The following RSRP1 variants were observed in gnomAD, a reference collection of about 807,000 sequenced individuals.
RSRP1 encodes arginine and serine rich protein 1.
In RSRP1, 37 loss-of-function variants were observed where a neutral mutation model predicts 33.0. The observed-to-expected ratio is 1.12, with a 90% CI of 0.86 to 1.48. RSRP1 has a LOEUF of 1.48. Ranked by LOEUF, RSRP1 falls within the 40% of genes most tolerant of loss-of-function variation. The pLI, the probability that RSRP1 is intolerant of heterozygous loss-of-function variation, is 0.00. For missense variants in RSRP1, 402 were observed against 385.3 expected, an observed-to-expected ratio of 1.04 and a Z score of -0.36; for synonymous variants, 167 against 158.7, an observed-to-expected ratio of 1.05 and a Z score of -0.40.
chr1:25,314,107 G>T lies in RSRP1; in HGVS notation c.-67+23871C>A, dbSNP rs1304670447. On this transcript the variant is annotated intron_variant, in intron 1 of 1. Coordinates refer to the RSRP1 transcript ENST00000561867. ...ACTTCTGTTGATTATATGCCTAGAA[G>T]TGAAATTGTTGAATTATACAGTATT... is the stretch of plus-strand genomic sequence containing the variant. 3.8e-5 allele frequency among the ~76,000 whole-genome samples: 5 copies of T among 132,764 alleles called. 1 individual carries two copies. The highest frequency in any genetic ancestry group is 1.3e-4 in the African/African-American group (5 of 38,922). The allele number at this position is 132,764 out of a possible 152,430, so 87.1% of individuals were successfully genotyped here. A position where few individuals can be genotyped will look rare whatever the true frequency, so the allele number is the denominator to read the frequency against.
chr1:25,242,617 CTTT>C lies in RSRP1; in HGVS notation c.842_844del (p.Lys281del), dbSNP rs754096516. On this transcript the variant is annotated inframe_deletion, in exon 5 of 5. Transcript: ENST00000243189. The stretch of plus-strand genomic sequence containing the variant: ...GATAGGTATCCACAGTCCATATGGA[CTTT>C]TTTTCTGATCTATTTTTGGTGATCT... 4 of 1,612,150 alleles carry C rather than the reference CTTT, an allele frequency of 2.5e-6. No individual in the cohort carries two copies. Among genetic ancestry groups the C allele is most frequent in the Non-Finnish European group, 3.4e-6 (4 of 1,179,430 alleles).
At position 25,247,037 on chromosome 1, in the gene RSRP1, A is replaced by G. The variant is rs375084543; in HGVS notation, c.-66-8T>C. 1.5e-5 allele frequency: 21 copies of G among 1,382,644 alleles called. No homozygotes were observed. The African/African-American group carries it at 1.6e-4, about 10-fold the overall frequency. The allele number at this position is 1,382,644 out of a possible 1,614,324, so 85.6% of individuals were successfully genotyped here. A position where few individuals can be genotyped will look rare whatever the true frequency, so the allele number is the denominator to read the frequency against. On this transcript the variant is annotated splice_region_variant and splice_polypyrimidine_tract_variant and intron_variant, in intron 1 of 4. Transcript: ENST00000243189. ...GCCTCAACTCAGGACTTCCTAAAAA[A>G]CCAAGAGAGAAAAAACAAGTCGAGT... is the stretch of plus-strand genomic sequence containing the variant.
At chr1:25,323,573 C>T (rs537576460) in intron 1 of RSRP1, among the ~76,000 whole-genome samples, 1 of 125,616 alleles carries the variant, frequency 8.0e-6, no homozygotes, top group Non-Finnish European at 1.9e-5. Context: ...GATCCTCCCC[C>T]CTCAGCCTCC....
rs184813484 is a variant in RSRP1, at chr1:25,270,858, A to T, written c.-66-23829T>A. ...TAGAATGGTGCCTAGCAAGTACTTA[A>T]TAACAGTTAGCTCTGAAAATGTATA... On this transcript the variant is annotated intron_variant, in intron 1 of 1. Transcript: ENST00000561867. 1.5e-3 allele frequency among the ~76,000 whole-genome samples: 195 copies of T among 131,912 alleles called. 26 individuals carry two copies. The highest frequency in any genetic ancestry group is 4.8e-3 in the African/African-American group (188 of 38,776). The allele number at this position is 131,912 out of a possible 152,430, so 86.5% of individuals were successfully genotyped here. A position where few individuals can be genotyped will look rare whatever the true frequency, so the allele number is the denominator to read the frequency against.
chr1:25,287,041 C>T (rs111704447), intron 1 of RSRP1, among the ~76,000 whole-genome samples: 2,804 of 134,834 alleles, frequency 0.021, 437 homozygotes, highest in African/African-American at 0.066. Flanking sequence ...TATAGTGAGC[C>T]GAGATCGCAC....
chr1:25,289,154 G>C (rs1642282471), intron 1 of RSRP1, among the ~76,000 whole-genome samples: 1 of 131,574 alleles, frequency 7.6e-6, no homozygotes, highest in South Asian at 2.3e-4. Flanking sequence ...TCTGTAAAAT[G>C]GGATACTGAA....
At chr1:25,303,291 C>T (rs1325382103) in intron 1 of RSRP1, 3 of 1,314,502 alleles carry the variant, frequency 2.3e-6, no homozygotes, top group East Asian at 2.2e-5. Context: ...CTCTACCTTG[C>T]TTCCTTTACC....
chr1:25,261,124 A>G (rs1640127305), intron 1 of RSRP1, among the ~76,000 whole-genome samples: 2 of 152,192 alleles, frequency 1.3e-5, no homozygotes, highest in South Asian at 4.1e-4. Flanking sequence ...TAAGGACACC[A>G]GTCCTATTAG....
chr1:25,287,524 C>T (rs373291984), intron 1 of RSRP1, among the ~76,000 whole-genome samples: 8 of 134,590 alleles, frequency 5.9e-5, no homozygotes, highest in South Asian at 4.4e-4. Flanking sequence ...CCCCTGGGGA[C>T]GGGGTACTCT....
At chr1:25,245,331 A>G (rs199899290) in intron 2 of RSRP1, 30 bp from the exon 3 acceptor site, 235 of 1,587,572 alleles carry the variant, frequency 1.5e-4, no homozygotes, top group Non-Finnish European at 1.9e-4. Flanking sequence ...ATTTTAAAAT[A>G]CTCATTAATC....
chr1:25,260,752 T>A (rs1640107161), intron 1 of RSRP1, among the ~76,000 whole-genome samples: 1 of 151,808 alleles, frequency 6.6e-6, no homozygotes. Context: ...CCTCCCTGTG[T>A]CCTCATAGAG....
At chr1:25,248,190 A>T (rs761579173), upstream of RSRP1, 8 of 152,010 alleles carry the variant, frequency 5.3e-5, no homozygotes, top group African/African-American at 1.2e-4. Context: ...TAATCTGGGG[A>T]TAATAATGAA....
In RSRP1 at chr1:25,242,684, G is replaced by C; in HGVS notation, c.778C>G (p.Gln260Glu). 6.2e-7 allele frequency: 1 copy of C among 1,607,864 alleles called. No individual in the cohort carries two copies. The highest frequency in any genetic ancestry group is 8.5e-7 in the Non-Finnish European group (1 of 1,179,016). The change falls in exon 5 of 5, where the codon CAA becomes GAA. Residue 260 changes from glutamine (Q) to glutamate (E), a missense_variant. Transcript: ENST00000243189. Reference protein sequence around the residue: ...SSNNSVAKPIQKSAKAATEEA... With the variant: ...SSNNSVAKPIEKSAKAATEEA... ...TCTGTGGCAGCTTTAGCTGATTTTT[G>C]TATTGGCTTTGCTACAGAATTCTGT...
At chr1:25,254,700 C>A (rs1284701991) in intron 1 of RSRP1, among the ~76,000 whole-genome samples, 1 of 152,190 alleles carries the variant, frequency 6.6e-6, no homozygotes, top group Non-Finnish European at 1.5e-5. Flanking sequence ...TCCCAGAGCA[C>A]TGGGATTACA....
intron 1 of RSRP1, among the ~76,000 whole-genome samples, chr1:25,300,774 A>G (rs928443736): frequency 7.6e-6 from 1 of 131,674 alleles, no homozygotes; most frequent in African/African-American, 2.6e-5. Context: ...GTGCCATTGC[A>G]CTCCAGCCTG....
intron 3 of RSRP1, chr1:25,244,744 G>T (rs1639203188): frequency 8.9e-7 from 1 of 1,126,694 alleles, no homozygotes; most frequent in Non-Finnish European, 1.1e-6. Context: ...GAGTGCAATG[G>T]TGCCATCTTG....
chr1:25,272,748 G>T lies in RSRP1; in HGVS notation c.-66-25719C>A. 3 of 1,372,330 alleles carry T rather than the reference G, an allele frequency of 2.2e-6. 1 individual carries two copies. The highest frequency in any genetic ancestry group is 3.1e-6 in the Non-Finnish European group (3 of 974,038). 85.0% of individuals were successfully genotyped at this position (1,372,330 alleles called of 1,614,324 possible). On this transcript the variant is annotated intron_variant, in intron 1 of 1. Coordinates refer to the RSRP1 transcript ENST00000561867. ...AGGAGCAAATAGCAGGGGCAGGGGCGGGGGAGGCCTGTGGTTCTCCAGGGG... is the reference window on the plus strand; with the variant it reads ...AGGAGCAAATAGCAGGGGCAGGGGCTGGGGAGGCCTGTGGTTCTCCAGGGG...
chr1:25,307,001 C>T lies in RSRP1; in HGVS notation c.-67+30977G>A, dbSNP rs1290967288. ...CTTTTGTGATCCCACAAACACAGAG[C>T]AGGTCAAATAGGCCCAAGCCAATTG... is the stretch of plus-strand genomic sequence containing the variant. On this transcript the variant is annotated intron_variant, in intron 1 of 1. Transcript: ENST00000561867. 1.7e-5 allele frequency: 7 copies of T among 402,750 alleles called. 1 individual carries two copies. The highest frequency in any genetic ancestry group is 3.6e-5 in the Non-Finnish European group (7 of 195,456). The allele number at this position is 402,750 out of a possible 1,614,324, so 24.9% of individuals were successfully genotyped here.
Position 25,291,633 on chromosome 1 carries a change from T to C in RSRP1, c.-66-44604A>G. ...GATTGTGCTATTCATGATATAATTATGGTTATATAAAAGTAATTAATTCTC... is the reference window on the plus strand; with the variant it reads ...GATTGTGCTATTCATGATATAATTACGGTTATATAAAAGTAATTAATTCTC... On this transcript the variant is annotated intron_variant, in intron 1 of 1. Coordinates refer to the RSRP1 transcript ENST00000561867. 1.5e-5 allele frequency among the ~76,000 whole-genome samples: 2 copies of C among 132,392 alleles called. 1 individual carries two copies. Among genetic ancestry groups the C allele is most frequent in the Non-Finnish European group, 3.6e-5 (2 of 55,980 alleles). 86.9% of individuals were successfully genotyped at this position (132,392 alleles called of 152,430 possible).
Sources: gnomAD v4.1 joint callset for allele counts (sites outside exome capture counted in the v4.1 genomes callset) on GRCh38, gnomAD v4.1.1 for gene constraint, MANE v1.5 for transcripts, NCBI Gene and HGNC (gene_info 2026-07-23, HGNC 2026-07-21) for gene names.